FOXC1: variants seen among roughly 807,000 people sequenced by gnomAD.
FOXC1 encodes forkhead box protein C1.
In FOXC1, 5 loss-of-function variants were observed where a neutral mutation model predicts 8.1. The ratio of observed to expected loss-of-function variants is 0.62; its 90% CI spans 0.32 to 1.30. The LOEUF (loss-of-function observed/expected upper bound fraction) is 1.30. FOXC1 is among the 50% of genes most tolerant of loss of function. FOXC1 has a pLI of 0.05. For missense variants in FOXC1, 942 were observed against 858.0 expected, an observed-to-expected ratio of 1.10 and a Z score of -1.22; for synonymous variants, 552 against 417.2, an observed-to-expected ratio of 1.32 and a Z score of -3.94.
rs1762512638 is a variant in FOXC1, at chr6:1,610,352, G to GCCCGGA, written c.-92_-87dup. 2 of 683,448 alleles carry GCCCGGA rather than the reference G, an allele frequency of 2.9e-6. No individual in the cohort carries two copies. Among genetic ancestry groups the GCCCGGA allele is most frequent in the South Asian group, 1.2e-4 (2 of 16,142 alleles). The allele number at this position is 683,448 out of a possible 1,614,324, so 42.3% of individuals were successfully genotyped here. On this transcript the variant is annotated 5_prime_UTR_variant, in exon 1 of 1. Transcript: ENST00000645831. ...AGCGGGCCGGCACCAGCTCGGCCGG[G>GCCCGGA]CCCGGACTCGGACTCGGCGGCCGGC...
chr6:1,610,383 G>A lies in FOXC1; in HGVS notation c.-63G>A. ...ACTCGGACTCGGCGGCCGGCGCGGCGCGGCCCGGCCCGAGCGAGGGTGGGG... is the reference window on the plus strand; with the variant it reads ...ACTCGGACTCGGCGGCCGGCGCGGCACGGCCCGGCCCGAGCGAGGGTGGGG... On this transcript the variant is annotated 5_prime_UTR_variant, in exon 1 of 1. Coordinates refer to ENST00000645831, the MANE Select transcript of FOXC1 (RefSeq NM_001453.3). 1 of 921,424 alleles carries A rather than the reference G, an allele frequency of 1.1e-6. No individual in the cohort carries two copies. The highest frequency in any genetic ancestry group is 1.3e-6 in the Non-Finnish European group (1 of 771,408). 57.1% of individuals were successfully genotyped at this position (921,424 alleles called of 1,614,324 possible). A position where few individuals can be genotyped will look rare whatever the true frequency, so the allele number is the denominator to read the frequency against.
At position 1,611,400 on chromosome 6, in the gene FOXC1, G is replaced by A. The variant is rs1390061489; in HGVS notation, c.955G>A (p.Gly319Arg). 2.1e-6 allele frequency: 3 copies of A among 1,450,762 alleles called. No homozygotes were observed. The highest frequency in any genetic ancestry group is 1.3e-5 in the South Asian group (1 of 76,976). The allele number at this position is 1,450,762 out of a possible 1,614,324, so 89.9% of individuals were successfully genotyped here. A position where few individuals can be genotyped will look rare whatever the true frequency, so the allele number is the denominator to read the frequency against. ...GGACAACATCATGACGTCGCTGCGG[G>A]GGTCGCCGCAGAGCGCGGCCGCGGA... is the stretch of plus-strand genomic sequence containing the variant. ...SVDNIMTSLR[G>R]SPQSAAAELS... The change falls in exon 1 of 1, where the codon GGG becomes AGG. Residue 319 changes from glycine (G) to arginine (R), a missense_variant. Coordinates refer to ENST00000645831, the MANE Select transcript of FOXC1 (RefSeq NM_001453.3). The surrounding 1 kb of genome is among the most constrained non-coding windows in gnomAD (Gnocchi z 7.1).
At position 1,611,773 on chromosome 6, in the gene FOXC1, C is replaced by T; in HGVS notation, c.1328C>T (p.Ser443Phe). 2.7e-6 allele frequency: 4 copies of T among 1,470,692 alleles called. No homozygotes were observed. Among genetic ancestry groups the T allele is most frequent in the Non-Finnish European group, 3.6e-6 (4 of 1,117,772 alleles). The allele number at this position is 1,470,692 out of a possible 1,614,324, so 91.1% of individuals were successfully genotyped here. Reference sequence around the variant, plus strand: ...CCGGTCACCAGCAGCAGCTCGTCGTCCCTGAGTCACGGCGGCGGCGGCGGC... The same window carrying T: ...CCGGTCACCAGCAGCAGCTCGTCGTTCCTGAGTCACGGCGGCGGCGGCGGC... ...LPPVTSSSSS[S>F]LSHGGGGGGG... Residue 443 changes from serine (S) to phenylalanine (F), a missense_variant, in exon 1 of 1, where the codon TCC (serine) becomes TTC (phenylalanine). Coordinates refer to ENST00000645831, the MANE Select transcript of FOXC1 (RefSeq NM_001453.3). The surrounding 1 kb of genome is among the most constrained non-coding windows in gnomAD (Gnocchi z 7.1).
At position 1,613,196 on chromosome 6, in the gene FOXC1, G is replaced by C. The variant is rs987045658; in HGVS notation, c.*1089G>C. On this transcript the variant is annotated 3_prime_UTR_variant, in exon 1 of 1. Transcript: ENST00000645831. The stretch of plus-strand genomic sequence containing the variant: ...TGCCTGTGTGCCGAGAGATGGGACT[G>C]TGCGGCCAGATATGCACAGATAAAT... 59 of 241,242 alleles carry C rather than the reference G, an allele frequency of 2.4e-4. No homozygotes were observed. The highest frequency in any genetic ancestry group is 1.2e-3 in the African/African-American group (53 of 45,074). 14.9% of individuals were successfully genotyped at this position (241,242 alleles called of 1,614,324 possible). A position where few individuals can be genotyped will look rare whatever the true frequency, so the allele number is the denominator to read the frequency against.
Position 1,610,996 on chromosome 6 carries a change from A to C in FOXC1, c.551A>C (p.Glu184Ala), listed in dbSNP as rs1762527913. 6.2e-7 allele frequency: 1 copy of C among 1,611,412 alleles called. No individual in the cohort carries two copies. Among genetic ancestry groups the C allele is most frequent in the African/African-American group, 1.3e-5 (1 of 74,724 alleles). ...AAGAAGGACGCGGTGAAGGACAAGGAGGAGAAGGACAGGCTGCACCTCAAG... is the reference window on the plus strand; with the variant it reads ...AAGAAGGACGCGGTGAAGGACAAGGCGGAGAAGGACAGGCTGCACCTCAAG... ...FKKKDAVKDKEEKDRLHLKEP... is the reference protein window; with the variant it reads ...FKKKDAVKDKAEKDRLHLKEP... Residue 184 changes from glutamate (E) to alanine (A), a missense_variant, in exon 1 of 1, where the codon GAG (glutamate) becomes GCG (alanine). Physicochemically the swap from Glu to Ala is moderately radical, Grantham distance 107. Coordinates refer to ENST00000645831, the MANE Select transcript of FOXC1 (RefSeq NM_001453.3).
chr6:1,611,193 A>C lies in FOXC1; in HGVS notation c.748A>C (p.Ser250Arg). The change falls in exon 1 of 1, where the codon AGC becomes CGC. Residue 250 changes from serine to arginine, a missense_variant. Physicochemically the swap from Ser to Arg is moderately radical, Grantham distance 110. This residue lies in a region of FOXC1 where 726 missense variants were observed against 599.6 expected (regional missense o/e 1.21). Transcript: ENST00000645831. The surrounding 1 kb of genome is among the most constrained non-coding windows in gnomAD (Gnocchi z 7.1). ...LSPAAALGSG[S>R]AAAVPKIESP... ...CCCGGCCGCCGCCCTGGGCAGCGGC[A>C]GCGCCGCCGCGGTGCCCAAGATCGA... The C allele has an allele frequency of 6.9e-7, 1 of 1,458,492 alleles. No individual in the cohort carries two copies. Among genetic ancestry groups the C allele is most frequent in the Non-Finnish European group, 9.1e-7 (1 of 1,104,368 alleles). 90.3% of individuals were successfully genotyped at this position (1,458,492 alleles called of 1,614,324 possible). A position where few individuals can be genotyped will look rare whatever the true frequency, so the allele number is the denominator to read the frequency against.
rs1762575173 is a variant in FOXC1, at chr6:1,612,492, T to C, written c.*385T>C. On this transcript the variant is annotated 3_prime_UTR_variant, in exon 1 of 1. Transcript: ENST00000645831. ...CGTCTCCCCTCTCTTGCCTTCTTCC[T>C]TGCCTCTCACCTGTAAGATATTATT... The C allele has an allele frequency of 2.5e-6, 1 of 399,662 alleles. No individual in the cohort carries two copies. The highest frequency in any genetic ancestry group is 4.3e-5 in the Admixed American group (1 of 23,168). The allele number at this position is 399,662 out of a possible 1,614,324, so 24.8% of individuals were successfully genotyped here. A position where few individuals can be genotyped will look rare whatever the true frequency, so the allele number is the denominator to read the frequency against.
At position 1,611,416 on chromosome 6, in the gene FOXC1, C is replaced by A; in HGVS notation, c.971C>A (p.Ala324Glu). 1.4e-6 allele frequency: 2 copies of A among 1,446,188 alleles called. No homozygotes were observed. The highest frequency in any genetic ancestry group is 1.8e-6 in the Non-Finnish European group (2 of 1,101,326). The allele number at this position is 1,446,188 out of a possible 1,614,324, so 89.6% of individuals were successfully genotyped here. ...TCGCTGCGGGGGTCGCCGCAGAGCGCGGCCGCGGAGCTCAGCTCCGGCCTT... is the reference window on the plus strand; with the variant it reads ...TCGCTGCGGGGGTCGCCGCAGAGCGAGGCCGCGGAGCTCAGCTCCGGCCTT... ...MTSLRGSPQS[A>E]AAELSSGLLA... The change falls in exon 1 of 1, where the codon GCG (alanine) becomes GAG (glutamate). Residue 324 changes from alanine (A) to glutamate (E), a missense_variant. By Grantham distance (107) the Ala-to-Glu change is moderately radical (BLOSUM62 -1). This residue lies in a region of FOXC1 where 726 missense variants were observed against 599.6 expected (regional missense o/e 1.21). Coordinates refer to ENST00000645831, the MANE Select transcript of FOXC1 (RefSeq NM_001453.3). The surrounding 1 kb of genome is among the most constrained non-coding windows in gnomAD (Gnocchi z 7.1).
rs1043670673 is a variant in FOXC1, at chr6:1,613,643, C to A, written c.*1536C>A. ...TGGCCCTCCCCCTTTTGTAAATAAC[C>A]CAGGAAATGTAATAAATTCATTATC... On this transcript the variant is annotated 3_prime_UTR_variant, in exon 1 of 1. Transcript: ENST00000645831. The A allele has an allele frequency of 4.6e-6, 1 of 217,046 alleles. No homozygotes were observed. The highest frequency in any genetic ancestry group is 1.0e-5 in the Non-Finnish European group (1 of 99,456). The allele number at this position is 217,046 out of a possible 1,614,324, so 13.4% of individuals were successfully genotyped here.
At position 1,611,153 on chromosome 6, in the gene FOXC1, GC is replaced by G; in HGVS notation, c.712del (p.Gln238SerfsTer77). ...KTENGTCPSPPQPLSPAAALG... is the reference protein window; with the variant it reads ...KTENGTCPSPXQPLSPAAALG... The stretch of plus-strand genomic sequence containing the variant: ...CCGAGAACGGTACGTGCCCCTCGCC[GC>G]CCCAGCCCCTGTCCCCGGCCGCCGC... On this transcript the variant is annotated frameshift_variant, in exon 1 of 1. Coordinates refer to ENST00000645831, the MANE Select transcript of FOXC1 (RefSeq NM_001453.3). LOFTEE classifies it low-confidence loss of function (END_TRUNC). The surrounding 1 kb of genome is among the most constrained non-coding windows in gnomAD (Gnocchi z 7.1). 2.1e-6 allele frequency: 3 copies of G among 1,441,272 alleles called. No individual in the cohort carries two copies. Among genetic ancestry groups the G allele is most frequent in the Admixed American group, 2.4e-5 (1 of 42,492 alleles). The allele number at this position is 1,441,272 out of a possible 1,614,324, so 89.3% of individuals were successfully genotyped here.
rs1762540205 is a variant in FOXC1 at position 1,611,318 on chromosome 6, G to C, written c.873G>C (p.Ala291=). ...TCAGCCTGGACGGTGCGGATTCCGC[G>C]CCGCCGCCGCCCGCGCCCTCCGCCC... is the stretch of plus-strand genomic sequence containing the variant. The part of the protein sequence containing the change: ...RPLSLDGADS[A]PPPPAPSAPP... Residue 291 remains alanine (A), a synonymous_variant, in exon 1 of 1, where the codon GCG becomes GCC. Transcript: ENST00000645831. This position sits in a 1 kb window ranked among gnomAD's most constrained non-coding sequence, Gnocchi z 7.1. The C allele has an allele frequency of 7.1e-7, 1 of 1,406,616 alleles. No homozygotes were observed. Among genetic ancestry groups the C allele is most frequent in the Non-Finnish European group, 9.3e-7 (1 of 1,079,088 alleles). 87.1% of individuals were successfully genotyped at this position (1,406,616 alleles called of 1,614,324 possible). A position where few individuals can be genotyped will look rare whatever the true frequency, so the allele number is the denominator to read the frequency against.
Position 1,611,649 on chromosome 6 carries a change from C to G in FOXC1, c.1204C>G (p.Leu402Val). Residue 402 changes from leucine (L) to valine (V), a missense_variant, in exon 1 of 1, where the codon CTG becomes GTG. Leu to Val is a conservative substitution (Grantham distance 32). Around this residue, in one of 4 missense-constraint regions of FOXC1, gnomAD observed 726 missense variants for 599.6 expected, o/e 1.21. Transcript: ENST00000645831. This position sits in a 1 kb window ranked among gnomAD's most constrained non-coding sequence, Gnocchi z 7.1. ...TYHCNLQAMS[L>V]YAAGERGGHL... ...CCACTGCAACCTGCAAGCCATGAGC[C>G]TGTACGCGGCCGGCGAGCGCGGGGG... 7.3e-7 allele frequency: 1 copy of G among 1,369,312 alleles called. No homozygotes were observed. The allele number at this position is 1,369,312 out of a possible 1,614,324, so 84.8% of individuals were successfully genotyped here. A position where few individuals can be genotyped will look rare whatever the true frequency, so the allele number is the denominator to read the frequency against.
rs1411407696 is a variant in FOXC1 at position 1,611,749 on chromosome 6, C to G, written c.1304C>G (p.Pro435Arg). 2.7e-6 allele frequency: 4 copies of G among 1,472,178 alleles called. No homozygotes were observed. In the East Asian group the frequency reaches 8.8e-5, roughly 32 times the overall value. 91.2% of individuals were successfully genotyped at this position (1,472,178 alleles called of 1,614,324 possible). Residue 435 changes from proline to arginine, a missense_variant, in exon 1 of 1, where the codon CCG becomes CGG. Coordinates refer to ENST00000645831, the MANE Select transcript of FOXC1 (RefSeq NM_001453.3). This position sits in a 1 kb window ranked among gnomAD's most constrained non-coding sequence, Gnocchi z 7.1. ...CCCCTGCCCGACTACTCTCTGCCTC[C>G]GGTCACCAGCAGCAGCTCGTCGTCC... ...DDPLPDYSLPPVTSSSSSSLS... is the reference protein window; with the variant it reads ...DDPLPDYSLPRVTSSSSSSLS...
Position 1,612,297 on chromosome 6 carries a change from T to G in FOXC1, c.*190T>G. 1.2e-6 allele frequency: 1 copy of G among 853,066 alleles called. No homozygotes were observed. The highest frequency in any genetic ancestry group is 1.8e-6 in the Non-Finnish European group (1 of 548,814). The allele number at this position is 853,066 out of a possible 1,614,324, so 52.8% of individuals were successfully genotyped here. On this transcript the variant is annotated 3_prime_UTR_variant, in exon 1 of 1. Coordinates refer to ENST00000645831, the MANE Select transcript of FOXC1 (RefSeq NM_001453.3). Reference sequence around the variant, plus strand: ...GCACCAGCACGAAGAAAACTCTATTTTCTTAACCGATTAATTCAGAGCCAC... The same window carrying G: ...GCACCAGCACGAAGAAAACTCTATTGTCTTAACCGATTAATTCAGAGCCAC...
In FOXC1 at chr6:1,611,418, G is replaced by A; in HGVS notation, c.973G>A (p.Ala325Thr). 1.4e-6 allele frequency: 2 copies of A among 1,445,316 alleles called. No individual in the cohort carries two copies. Among genetic ancestry groups the A allele is most frequent in the Non-Finnish European group, 1.8e-6 (2 of 1,100,826 alleles). 89.5% of individuals were successfully genotyped at this position (1,445,316 alleles called of 1,614,324 possible). A position where few individuals can be genotyped will look rare whatever the true frequency, so the allele number is the denominator to read the frequency against. The change falls in exon 1 of 1, where the codon GCC becomes ACC. Residue 325 changes from alanine to threonine, a missense_variant. Coordinates refer to ENST00000645831, the MANE Select transcript of FOXC1 (RefSeq NM_001453.3). The surrounding 1 kb of genome is among the most constrained non-coding windows in gnomAD (Gnocchi z 7.1). ...GCTGCGGGGGTCGCCGCAGAGCGCGGCCGCGGAGCTCAGCTCCGGCCTTCT... is the reference window on the plus strand; with the variant it reads ...GCTGCGGGGGTCGCCGCAGAGCGCGACCGCGGAGCTCAGCTCCGGCCTTCT... ...TSLRGSPQSA[A>T]AELSSGLLAS...
Position 1,610,597 on chromosome 6 carries a change from C to A in FOXC1, c.152C>A (p.Ala51Glu). 6.2e-7 allele frequency: 1 copy of A among 1,606,596 alleles called. No homozygotes were observed. Among genetic ancestry groups the A allele is most frequent in the Non-Finnish European group, 8.5e-7 (1 of 1,177,562 alleles). ...CCCATGAGCGTGTACTCGCACCCTG[C>A]GCACGCCGAGCAGTACCCGGGCGGC... is the stretch of plus-strand genomic sequence containing the variant. ...PAPMSVYSHPAHAEQYPGGMA... is the reference protein window; with the variant it reads ...PAPMSVYSHPEHAEQYPGGMA... The change falls in exon 1 of 1, where the codon GCG becomes GAG. Residue 51 changes from alanine to glutamate, a missense_variant. Around this residue, in one of 4 missense-constraint regions of FOXC1, gnomAD observed 190 missense variants for 176.8 expected, o/e 1.07. Coordinates refer to ENST00000645831, the MANE Select transcript of FOXC1 (RefSeq NM_001453.3).
rs1762515364 is a variant in FOXC1 at position 1,610,493 on chromosome 6, G to T, written c.48G>T (p.Val16=). ...SVSSPNSLGV[V]PYLGGEQSYY... ...CCAGCCCCAACTCCCTGGGAGTGGTGCCCTACCTCGGCGGCGAGCAGAGCT... is the reference window on the plus strand; with the variant it reads ...CCAGCCCCAACTCCCTGGGAGTGGTTCCCTACCTCGGCGGCGAGCAGAGCT... The change falls in exon 1 of 1, where the codon GTG becomes GTT. Residue 16 remains valine, a synonymous_variant. Transcript: ENST00000645831. 1.3e-6 allele frequency: 2 copies of T among 1,502,286 alleles called. No homozygotes were observed. Among genetic ancestry groups the T allele is most frequent in the African/African-American group, 2.8e-5 (2 of 71,196 alleles). The allele number at this position is 1,502,286 out of a possible 1,614,324, so 93.1% of individuals were successfully genotyped here. A position where few individuals can be genotyped will look rare whatever the true frequency, so the allele number is the denominator to read the frequency against.
chr6:1,610,081 A>G lies in FOXC1; in HGVS notation c.-365A>G, dbSNP rs1394544305. On this transcript the variant is annotated 5_prime_UTR_variant, in exon 1 of 1. Transcript: ENST00000645831. ...GGCAGCTCAGGGCAGAGTCTCCTGG[A>G]AGGCGCAGGCAGTGTGGCGAGAAGG... 7.8e-6 allele frequency: 1 copy of G among 128,186 alleles called. No individual in the cohort carries two copies. The highest frequency in any genetic ancestry group is 1.6e-5 in the Non-Finnish European group (1 of 63,970). The allele number at this position is 128,186 out of a possible 1,614,324, so 7.9% of individuals were successfully genotyped here. A position where few individuals can be genotyped will look rare whatever the true frequency, so the allele number is the denominator to read the frequency against.
Position 1,610,346 on chromosome 6 carries a change from G to A in FOXC1, c.-100G>A, listed in dbSNP as rs1762512095. The A allele has an allele frequency of 3.2e-6, 2 of 631,036 alleles. No homozygotes were observed. The highest frequency in any genetic ancestry group is 3.9e-6 in the Non-Finnish European group (2 of 508,576). 39.1% of individuals were successfully genotyped at this position (631,036 alleles called of 1,614,324 possible). A position where few individuals can be genotyped will look rare whatever the true frequency, so the allele number is the denominator to read the frequency against. ...CAGCGCAGCGGGCCGGCACCAGCTC[G>A]GCCGGGCCCGGACTCGGACTCGGCG... On this transcript the variant is annotated 5_prime_UTR_variant, in exon 1 of 1. Transcript: ENST00000645831.
Sources: gnomAD v4.1 joint callset for allele counts on GRCh38, gnomAD v4.1.1 for gene constraint, gnomAD v4.1.1 regional missense constraint, Gnocchi (gnomAD v3.1) non-coding constraint, MANE v1.5 for transcripts, NCBI Gene and HGNC (gene_info 2026-07-23, HGNC 2026-07-21) for gene names.